Variants in PCDHGA7 observed in about 807,000 individuals in gnomAD.
PCDHGA7 encodes the protein protocadherin gamma subfamily A, 7.
In PCDHGA7, 44 loss-of-function variants were observed where a neutral mutation model predicts 58.3. That is an observed-to-expected ratio of 0.75 (90% confidence interval 0.59 to 0.97). PCDHGA7 has a LOEUF of 0.97. Ranked by LOEUF, PCDHGA7 falls within the 50% of genes least tolerant of loss-of-function variation. PCDHGA7 has a pLI of 0.00. For synonymous variants in PCDHGA7, 516 were observed against 504.2 expected, an observed-to-expected ratio of 1.02 and a Z score of -0.31; for missense variants, 1,266 against 1,188.7, an observed-to-expected ratio of 1.06 and a Z score of -0.96.
intron 1 of PCDHGA7, chr5:141,421,442 A>G (rs769354611): frequency 1.7e-5 from 27 of 1,613,990 alleles, no homozygotes; most frequent in Non-Finnish European, 2.2e-5. Context: ...TCCAGAGGGA[A>G]GACACAGCTT....
chr5:141,404,586 A>G, intron 1 of PCDHGA7: 1 of 1,614,008 alleles, frequency 6.2e-7, no homozygotes, highest in Non-Finnish European at 8.5e-7. Context: ...CTTAGCAGCA[A>G]TGTGTCATTG....
chr5:141,419,845 G>A, intron 1 of PCDHGA7: 3 of 1,614,064 alleles, frequency 1.9e-6, no homozygotes, highest in Non-Finnish European at 2.5e-6. Context: ...CGCTGCACCT[G>A]GTGTTCGCAG....
intron 1 of PCDHGA7, chr5:141,419,504 C>T (rs577411043): frequency 4.7e-5 from 75 of 1,612,298 alleles, no homozygotes; most frequent in South Asian, 2.7e-4. Flanking sequence ...TGTGAGCCTG[C>T]GCGTGTTGGT....
In PCDHGA7 at chr5:141,399,908, C is replaced by T. The variant is rs141997055; in HGVS notation, c.2424+14585C>T. 17,269 of 1,612,412 alleles carry T rather than the reference C, an allele frequency of 0.011. 105 individuals are homozygous for T. Among genetic ancestry groups the T allele is most frequent in the Non-Finnish European group, 0.012 (14,309 of 1,179,754 alleles). On this transcript the variant is annotated intron_variant, in intron 1 of 3. Transcript: ENST00000518325. ...AAGGTAGTGGCCGTGGACGCAGACT[C>T]AGGACACAACGCCTGGCTGTCCTAC... is the stretch of plus-strand genomic sequence containing the variant.
At chr5:141,410,516 C>T in intron 1 of PCDHGA7, 2 of 1,613,910 alleles carry the variant, frequency 1.2e-6, no homozygotes, top group Middle Eastern at 1.6e-4. Context: ...ATGCAGTGTG[C>T]CCCTACATTC....
chr5:141,415,819 TA>T, intron 1 of PCDHGA7: 2 of 1,328,322 alleles, frequency 1.5e-6, no homozygotes, highest in African/African-American at 1.5e-5. Context: ...CTATATATCA[TA>T]AGGCTTTGTT....
intron 1 of PCDHGA7, chr5:141,389,866 T>C: frequency 6.2e-7 from 1 of 1,614,082 alleles, no homozygotes; most frequent in South Asian, 1.1e-5. Context: ...TTGCACCTGG[T>C]CTTCGCCGAC....
At chr5:141,440,859 T>C (rs1272611201) in intron 1 of PCDHGA7, 1 of 152,076 alleles carries the variant, frequency 6.6e-6, no homozygotes, top group Non-Finnish European at 1.5e-5. Context: ...CCTGTGTTCA[T>C]CTAGGATGTG....
rs558513172 is a variant in PCDHGA7 at position 141,424,015 on chromosome 5, A to T, written c.2424+38692A>T. The T allele has an allele frequency of 3.0e-5, 32 of 1,060,896 alleles. No individual in the cohort carries two copies. The Admixed American group carries it at 3.2e-4, about 11-fold the overall frequency. The allele number at this position is 1,060,896 out of a possible 1,614,324, so 65.7% of individuals were successfully genotyped here. A position where few individuals can be genotyped will look rare whatever the true frequency, so the allele number is the denominator to read the frequency against. ...TATTATATATAGATACAAATTAATGATTCACAAACACTTTTTATTTCCATT... is the reference window on the plus strand; with the variant it reads ...TATTATATATAGATACAAATTAATGTTTCACAAACACTTTTTATTTCCATT... On this transcript the variant is annotated intron_variant, in intron 1 of 3. Transcript: ENST00000518325.
At chr5:141,408,329 A>C (rs2095085203) in intron 1 of PCDHGA7, 1 of 1,613,580 alleles carries the variant, frequency 6.2e-7, no homozygotes, top group Non-Finnish European at 8.5e-7. Context: ...GGAGCTGGCC[A>C]AGGGCTCGGT....
chr5:141,389,264 C>T, intron 1 of PCDHGA7: 1 of 1,614,018 alleles, frequency 6.2e-7, no homozygotes, highest in South Asian at 1.1e-5. Flanking sequence ...TCCACGTGGC[C>T]GAGAACAACC....
chr5:141,385,563 C>T, intron 1 of PCDHGA7: 1 of 1,304,972 alleles, frequency 7.7e-7, no homozygotes, highest in Non-Finnish European at 9.7e-7. Flanking sequence ...TTATAATTTC[C>T]ACCTACTTTC....
Position 141,491,190 on chromosome 5 carries a change from C to A in PCDHGA7, c.2425-3617C>A, listed in dbSNP as rs759736855. On this transcript the variant is annotated intron_variant, in intron 1 of 3. Transcript: ENST00000518325. The surrounding 1 kb of genome is among the most constrained non-coding windows in gnomAD (Gnocchi z 6.9). ...AGCAGGTGGTGGTCCTGGTGAGGGA[C>A]AATGGTGACCCTTCACTCTCCTCCA... 1 of 1,614,192 alleles carries A rather than the reference C, an allele frequency of 6.2e-7. No homozygotes were observed. The highest frequency in any genetic ancestry group is 1.1e-5 in the South Asian group (1 of 91,082).
At chr5:141,505,245 A>G (rs530515894) in intron 2 of PCDHGA7, 148 bp from the exon 3 acceptor site, 294 of 1,430,832 alleles carry the variant, frequency 2.1e-4, no homozygotes, top group Admixed American at 1.8e-3. Flanking sequence ...GAAGGATTGT[A>G]GAAGTGCCTC....
At position 141,486,047 on chromosome 5, in the gene PCDHGA7, C is replaced by G. The variant is rs763394605; in HGVS notation, c.2425-8760C>G. The G allele has an allele frequency of 3.1e-6, 5 of 1,614,172 alleles. No homozygotes were observed. The East Asian group carries it at 6.7e-5, about 22-fold the overall frequency. On this transcript the variant is annotated intron_variant, in intron 1 of 3. Transcript: ENST00000518325. This position sits in a 1 kb window ranked among gnomAD's most constrained non-coding sequence, Gnocchi z 5.0. ...TCATACCCCTGATCGTGTAAGAAAC[C>G]TCTTTAGCCTGCACCCCACTACTGG...
intron 1 of PCDHGA7, chr5:141,404,457 C>T: frequency 6.2e-7 from 1 of 1,612,824 alleles, no homozygotes; most frequent in Non-Finnish European, 8.5e-7. Flanking sequence ...TCTCCTCTCT[C>T]CACCTATGTC....
Position 141,490,748 on chromosome 5 carries a change from C to A in PCDHGA7, c.2425-4059C>A. 3.1e-6 allele frequency: 5 copies of A among 1,614,168 alleles called. No individual in the cohort carries two copies. Among genetic ancestry groups the A allele is most frequent in the Non-Finnish European group, 3.4e-6 (4 of 1,180,006 alleles). ...GGAAATCAGGTTCAGGGAGCCCCAGCCTCCTCCTTTGTGTATGTCAACCCA... is the reference window on the plus strand; with the variant it reads ...GGAAATCAGGTTCAGGGAGCCCCAGACTCCTCCTTTGTGTATGTCAACCCA... On this transcript the variant is annotated intron_variant, in intron 1 of 3. Transcript: ENST00000518325. This position sits in a 1 kb window ranked among gnomAD's most constrained non-coding sequence, Gnocchi z 5.4.
intron 1 of PCDHGA7, among the ~76,000 whole-genome samples, chr5:141,484,092 G>A (rs1594371151): frequency 6.6e-6 from 1 of 152,102 alleles, no homozygotes; most frequent in African/African-American, 2.4e-5. Flanking sequence ...AATGGTCTTC[G>A]TTGGTAATTA....
At position 141,432,950 on chromosome 5, in the gene PCDHGA7, G is replaced by T. The variant is rs750033444; in HGVS notation, c.2424+47627G>T. ...ACGCCTGCTGCAGGCTTCAGGAGGCGGCTTGACAGGAGCGCCGGCGTCGCA... is the reference window on the plus strand; with the variant it reads ...ACGCCTGCTGCAGGCTTCAGGAGGCTGCTTGACAGGAGCGCCGGCGTCGCA... On this transcript the variant is annotated intron_variant, in intron 1 of 3. Coordinates refer to ENST00000518325, the MANE Select transcript of PCDHGA7 (RefSeq NM_018920.4). This position sits in a 1 kb window ranked among gnomAD's most constrained non-coding sequence, Gnocchi z 6.0. 6 of 1,614,072 alleles carry T rather than the reference G, an allele frequency of 3.7e-6. No individual in the cohort carries two copies. Among genetic ancestry groups the T allele is most frequent in the Admixed American group, 1.7e-5 (1 of 60,010 alleles).
Sources: allele counts gnomAD v4.1 joint callset (sites outside exome capture counted in the v4.1 genomes callset), GRCh38; gene constraint gnomAD v4.1.1; non-coding constraint Gnocchi (gnomAD v3.1); transcripts MANE v1.5; gene names NCBI Gene and HGNC (gene_info 2026-07-23, HGNC 2026-07-21).